The following PPP1R21 variants were observed in gnomAD, a reference collection of about 807,000 sequenced individuals.
PPP1R21 encodes the protein protein phosphatase 1 regulatory subunit 21, also known as KLRAQ motif containing 1.
A neutral mutation model predicts 112.8 loss-of-function variants in PPP1R21; 85 were observed. The ratio of observed to expected loss-of-function variants is 0.75; its 90% CI spans 0.63 to 0.90. PPP1R21 has a LOEUF of 0.90. Ranked by LOEUF, PPP1R21 falls within the 40% of genes least tolerant of loss-of-function variation. The probability of loss-of-function intolerance (pLI) is 0.00; values close to 1 mark genes in which losing one functional copy is unlikely to be tolerated. For synonymous variants in PPP1R21, 381 were observed against 322.3 expected (o/e 1.18, Z -1.95); for missense variants, 1,199 against 901.5 (o/e 1.33, Z -4.23).
At chr2:48,476,791 G>A (rs1668774664) in intron 12 of PPP1R21, among the ~76,000 whole-genome samples, 1 of 151,990 alleles carries the variant, frequency 6.6e-6, no homozygotes, top group African/African-American at 2.4e-5. Context: ...TTTCAGTTAG[G>A]TTGTCTGTTT....
Position 48,454,600 on chromosome 2 carries a change from A to T in PPP1R21, c.132A>T (p.Gln44His). 6.2e-7 allele frequency: 1 copy of T among 1,614,156 alleles called. No homozygotes were observed. Among genetic ancestry groups the T allele is most frequent in the Non-Finnish European group, 8.5e-7 (1 of 1,179,992 alleles). ...CTGTTTTCACTTTGATATAGGAGCAACTGAAAATGAAGGATCAGTCATTGA... is the reference window on the plus strand; with the variant it reads ...CTGTTTTCACTTTGATATAGGAGCATCTGAAAATGAAGGATCAGTCATTGA... ...EQANSAALKE[Q>H]LKMKDQSLRK... Residue 44 changes from glutamine to histidine, a missense_variant, in exon 3 of 22, where the codon CAA becomes CAT. By Grantham distance (24) the Gln-to-His change is conservative. Coordinates refer to ENST00000294952, the MANE Select transcript of PPP1R21 (RefSeq NM_001135629.3).
chr2:48,450,254 T>A (rs1667415891), intron 1 of PPP1R21, among the ~76,000 whole-genome samples: 1 of 152,206 alleles, frequency 6.6e-6, no homozygotes, highest in South Asian at 2.1e-4. Flanking sequence ...TGGTAGAGTC[T>A]GAATCTCAGC....
chr2:48,449,125 T>C (rs1481588745), intron 1 of PPP1R21, among the ~76,000 whole-genome samples: 1 of 152,172 alleles, frequency 6.6e-6, no homozygotes, highest in Non-Finnish European at 1.5e-5. Flanking sequence ...AGAACATATC[T>C]TTTACATCTC....
intron 9 of PPP1R21, among the ~76,000 whole-genome samples, chr2:48,470,293 G>C (rs1408718115): frequency 6.6e-6 from 1 of 152,028 alleles, no homozygotes; most frequent in Non-Finnish European, 1.5e-5. Context: ...TGAGGTGGGT[G>C]GATCACCTGA....
chr2:48,481,246 C>T (rs1668998063), intron 13 of PPP1R21, among the ~76,000 whole-genome samples: 1 of 152,216 alleles, frequency 6.6e-6, no homozygotes, highest in Non-Finnish European at 1.5e-5. Context: ...GCCGTGGCCT[C>T]CCAAAGTGCT....
intron 15 of PPP1R21, among the ~76,000 whole-genome samples, chr2:48,494,188 G>A (rs1256314592): frequency 7.2e-6 from 1 of 138,094 alleles, no homozygotes. Flanking sequence ...GCAGTGAGTC[G>A]TGATCACGCT....
chr2:48,485,150 C>G (rs1397893490), intron 13 of PPP1R21, among the ~76,000 whole-genome samples: 1 of 152,030 alleles, frequency 6.6e-6, no homozygotes, highest in Non-Finnish European at 1.5e-5. Flanking sequence ...AATAGAATTA[C>G]CATTCGACCC....
At chr2:48,505,493 A>G in intron 17 of PPP1R21, 71 bp from the exon 18 acceptor site, 1 of 1,147,968 alleles carries the variant, frequency 8.7e-7, no homozygotes, top group Non-Finnish European at 1.3e-6. Flanking sequence ...AGAAAATATT[A>G]AAAGCGTTTG....
At chr2:48,474,633 A>T (rs530858188) in intron 11 of PPP1R21, 50 bp from the exon 12 acceptor site, 21 of 1,545,402 alleles carry the variant, frequency 1.4e-5, no homozygotes, top group South Asian at 2.4e-5. Context: ...CTAGTAGCTA[A>T]TTGAAAATCG....
At chr2:48,490,607 A>G (rs549797042) in intron 14 of PPP1R21, among the ~76,000 whole-genome samples, 105 of 152,366 alleles carry the variant, frequency 6.9e-4, no homozygotes, top group African/African-American at 2.5e-3. Context: ...TCAAGATACT[A>G]TGTTATATCT....
At chr2:48,457,347 C>G (rs919344338) in intron 3 of PPP1R21, among the ~76,000 whole-genome samples, 5 of 152,026 alleles carry the variant, frequency 3.3e-5, no homozygotes, top group Admixed American at 6.6e-5. Flanking sequence ...TTTTAAATCA[C>G]TGATTCAAAT....
rs142676204 is a variant in PPP1R21, at chr2:48,455,133, C to T, written c.273+392C>T. 6.2e-3 allele frequency among the ~76,000 whole-genome samples: 937 copies of T among 150,760 alleles called. 10 individuals are homozygous for T. The highest frequency in any genetic ancestry group is 0.021 in the African/African-American group (875 of 41,082). ...GATTACAGGCATGAGCCATCATTCC[C>T]GGCCCTGAATTTTTTTTTTTTTTTT... On this transcript the variant is annotated intron_variant, in intron 3 of 21. Transcript: ENST00000294952.
At chr2:48,472,935 TAA>T (rs200007821) in intron 11 of PPP1R21, among the ~76,000 whole-genome samples, 7 of 125,206 alleles carry the variant, frequency 5.6e-5, no homozygotes, top group Admixed American at 8.6e-5. Flanking sequence ...CCCTGCCTCT[TAA>T]AAAAAAAAAA....
At chr2:48,501,171 A>G (rs62135169) in intron 17 of PPP1R21, among the ~76,000 whole-genome samples, 17,895 of 152,236 alleles carry the variant, frequency 0.12, 1,157 homozygotes, top group Middle Eastern at 0.19. Context: ...GGGACATTCA[A>G]CAAACAAAAG....
chr2:48,469,879 A>G (rs1436585575), intron 9 of PPP1R21, among the ~76,000 whole-genome samples: 3 of 152,116 alleles, frequency 2.0e-5, no homozygotes, highest in African/African-American at 7.2e-5. Flanking sequence ...CTTGTTCATA[A>G]CATCATAAAG....
chr2:48,449,526 T>A (rs947017438), intron 1 of PPP1R21, among the ~76,000 whole-genome samples: 2 of 152,212 alleles, frequency 1.3e-5, no homozygotes, highest in South Asian at 2.1e-4. Flanking sequence ...TCTCATCTTT[T>A]TAGTCTGTCT....
chr2:48,455,596 C>T (rs190181589), intron 3 of PPP1R21, among the ~76,000 whole-genome samples: 26 of 152,016 alleles, frequency 1.7e-4, no homozygotes, highest in Non-Finnish European at 3.4e-4. Context: ...GTTTAGTGGC[C>T]GAGAAGAGAC....
chr2:48,507,176 A>G (rs765600335), intron 18 of PPP1R21, 93 bp from the exon 19 acceptor site: 1 of 1,405,468 alleles, frequency 7.1e-7, no homozygotes, highest in Non-Finnish European at 9.2e-7. Flanking sequence ...TCAAGTGAGA[A>G]TGTACAAAAT....
chr2:48,476,708 C>T (rs927100564), intron 12 of PPP1R21, among the ~76,000 whole-genome samples: 3 of 152,116 alleles, frequency 2.0e-5, no homozygotes, highest in Non-Finnish European at 2.9e-5. Context: ...GTGATGTTGA[C>T]TATCTTTTAA....
Sources: allele counts gnomAD v4.1 joint callset (sites outside exome capture counted in the v4.1 genomes callset), GRCh38; gene constraint gnomAD v4.1.1; transcripts MANE v1.5; gene names NCBI Gene and HGNC (gene_info 2026-07-23, HGNC 2026-07-21).